Variants in PARD3B observed in about 807,000 individuals in gnomAD.
PARD3B encodes par-3 family cell polarity regulator beta.
In PARD3B, 103 loss-of-function variants were observed where a neutral mutation model predicts 130.2. The ratio of observed to expected loss-of-function variants is 0.79; its 90% CI spans 0.67 to 0.93. The LOEUF is 0.93. Among genes scored for constraint, PARD3B ranks in the 40% least tolerant of loss-of-function variants. PARD3B has a pLI of 0.00. For missense variants in PARD3B, 1,609 were observed against 1,499.2 expected (o/e 1.07, Z -1.21); for synonymous variants, 583 against 553.2 (o/e 1.05, Z -0.76).
At chr2:205,093,816 T>C (rs1185346404) in intron 4 of PARD3B, among the ~76,000 whole-genome samples, 3 of 152,186 alleles carry the variant, frequency 2.0e-5, no homozygotes, top group African/African-American at 4.8e-5. Flanking sequence ...GTGGTTTCCT[T>C]GTGTGATCAG....
chr2:205,245,212 C>A (rs2039518805), intron 15 of PARD3B, among the ~76,000 whole-genome samples: 2 of 152,164 alleles, frequency 1.3e-5, no homozygotes. Flanking sequence ...TTGTAAAGTT[C>A]ACGTCATTTG....
intron 1 of PARD3B, among the ~76,000 whole-genome samples, chr2:204,571,473 G>T (rs2032002121): frequency 6.6e-6 from 1 of 152,170 alleles, no homozygotes; most frequent in Non-Finnish European, 1.5e-5. Flanking sequence ...TAACTCATTT[G>T]TAATTAACTG....
intron 16 of PARD3B, among the ~76,000 whole-genome samples, chr2:205,279,645 A>G (rs1296671245): frequency 6.6e-6 from 1 of 151,902 alleles, no homozygotes; most frequent in African/African-American, 2.4e-5. Context: ...CTCCCCTAAA[A>G]CTCTGCAAAG....
intron 2 of PARD3B, among the ~76,000 whole-genome samples, chr2:204,744,528 TG>T (rs1409863052): frequency 6.6e-6 from 1 of 152,104 alleles, no homozygotes; most frequent in African/African-American, 2.4e-5. Context: ...AGGATGCAGC[TG>T]AATGTATGTT....
At chr2:204,709,216 C>A (rs906709515) in intron 2 of PARD3B, among the ~76,000 whole-genome samples, 2 of 152,058 alleles carry the variant, frequency 1.3e-5, no homozygotes, top group African/African-American at 4.8e-5. Flanking sequence ...ATACAAAGTT[C>A]TGATAGAAGA....
At chr2:205,594,288 T>C (rs1260023646) in intron 22 of PARD3B, among the ~76,000 whole-genome samples, 2 of 152,204 alleles carry the variant, frequency 1.3e-5, no homozygotes, top group Non-Finnish European at 2.9e-5. Context: ...CAGCAGTCGC[T>C]TGCCTGGAGT....
In PARD3B at chr2:205,563,510, T is replaced by A. The variant is rs1005294633; in HGVS notation, c.3260+10107T>A. Among the ~76,000 whole-genome samples, 19 of 152,166 alleles carry A rather than the reference T, an allele frequency of 1.2e-4. No homozygotes were observed. Among genetic ancestry groups the A allele is most frequent in the African/African-American group, 4.1e-4 (17 of 41,426 alleles). On this transcript the variant is annotated intron_variant, in intron 22 of 22. Coordinates refer to ENST00000406610, the MANE Select transcript of PARD3B (RefSeq NM_001302769.2). This position sits in a 1 kb window ranked among gnomAD's most constrained non-coding sequence, Gnocchi z 4.2. ...TTGGCAAGTCAAGGAGAGGTTGGAA[T>A]GCTTACATCATCTGTTTTCATAAGT...
intron 3 of PARD3B, among the ~76,000 whole-genome samples, chr2:205,042,116 G>A (rs1698433582): frequency 6.6e-6 from 1 of 152,008 alleles, no homozygotes; most frequent in Admixed American, 6.6e-5. Flanking sequence ...TTAACTAATG[G>A]CTGCCACTTT....
chr2:205,419,687 ACACTC>A (rs764742774), intron 19 of PARD3B, among the ~76,000 whole-genome samples: 5 of 152,204 alleles, frequency 3.3e-5, no homozygotes, highest in Non-Finnish European at 5.9e-5. Context: ...TCTCTTCTGA[ACACTC>A]CACTAGCCAG....
chr2:205,569,870 C>T (rs2053498938), intron 22 of PARD3B, among the ~76,000 whole-genome samples: 1 of 152,094 alleles, frequency 6.6e-6, no homozygotes, highest in Non-Finnish European at 1.5e-5. Context: ...TGATGCTCTG[C>T]CAGCTGCTGG....
At position 205,618,300 on chromosome 2, in the gene PARD3B, A is replaced by T. The variant is rs1231959610; in HGVS notation, c.*2487A>T. 6.6e-6 allele frequency: 1 copy of T among 152,284 alleles called. No homozygotes were observed. Among genetic ancestry groups the T allele is most frequent in the Non-Finnish European group, 1.5e-5 (1 of 68,068 alleles). The allele number at this position is 152,284 out of a possible 1,614,324, so 9.4% of individuals were successfully genotyped here. ...TGACAGACAGAGGCTCCATCAAGCC[A>T]AGCAACAATTAACAGCTCAAGTGTA... On this transcript the variant is annotated 3_prime_UTR_variant, in exon 23 of 23. Transcript: ENST00000406610.
chr2:205,261,098 C>G (rs1371634815), intron 16 of PARD3B, among the ~76,000 whole-genome samples: 2 of 152,014 alleles, frequency 1.3e-5, no homozygotes, highest in Non-Finnish European at 2.9e-5. Flanking sequence ...CTTTAATTTC[C>G]TATGAACAAA....
At chr2:205,502,579 G>A (rs2050196492) in intron 21 of PARD3B, among the ~76,000 whole-genome samples, 1 of 152,114 alleles carries the variant, frequency 6.6e-6, no homozygotes, top group Admixed American at 6.6e-5. Flanking sequence ...CAAGTCCAGA[G>A]TCTCTGGTTG....
chr2:205,276,661 C>T lies in PARD3B; in HGVS notation c.2186-23869C>T, dbSNP rs1007885798. Among the ~76,000 whole-genome samples the T allele has an allele frequency of 7.9e-5, 12 of 152,100 alleles. No individual in the cohort carries two copies. The highest frequency in any genetic ancestry group is 1.5e-4 in the Non-Finnish European group (10 of 68,032). Reference sequence around the variant, plus strand: ...AAGTGGCTTGCAGCGCTTTATCAGCCGACATTTACACAGAAACTCCTGCCT... The same window carrying T: ...AAGTGGCTTGCAGCGCTTTATCAGCTGACATTTACACAGAAACTCCTGCCT... On this transcript the variant is annotated intron_variant, in intron 16 of 22. Coordinates refer to ENST00000406610, the MANE Select transcript of PARD3B (RefSeq NM_001302769.2). This position sits in a 1 kb window ranked among gnomAD's most constrained non-coding sequence, Gnocchi z 5.0.
rs371912982 is a variant in PARD3B, at chr2:204,871,121, C to G, written c.223-94031C>G. ...ATGACTTTAGATGTTCTTCCTGGCTCTCTTTAATTTTAGGCCCAAAGTTAT... is the reference window on the plus strand; with the variant it reads ...ATGACTTTAGATGTTCTTCCTGGCTGTCTTTAATTTTAGGCCCAAAGTTAT... On this transcript the variant is annotated intron_variant, in intron 2 of 22. Transcript: ENST00000406610. Among the ~76,000 whole-genome samples, 40 of 152,216 alleles carry G rather than the reference C, an allele frequency of 2.6e-4. 1 individual carries two copies. The highest frequency in any genetic ancestry group is 8.9e-4 in the African/African-American group (37 of 41,550).
At chr2:205,036,927 A>AAACATATAGTGGACTGTATATATAAAG (rs1697975551) in intron 3 of PARD3B, among the ~76,000 whole-genome samples, 2 of 151,326 alleles carry the variant, frequency 1.3e-5, no homozygotes, top group African/African-American at 4.8e-5. Context: ...TATATATAAA[A>AAACATATAGTGGACTGTATATATAAAG]AACATATAGT....
chr2:204,838,057 T>C (rs2044117269), intron 2 of PARD3B, among the ~76,000 whole-genome samples: 1 of 138,560 alleles, frequency 7.2e-6, no homozygotes, highest in South Asian at 2.1e-4. Context: ...ACAGGTAAAA[T>C]AAGTGCTGTA....
Position 205,281,636 on chromosome 2 carries a change from C to G in PARD3B, c.2186-18894C>G, listed in dbSNP as rs2041194313. 6.6e-6 allele frequency among the ~76,000 whole-genome samples: 1 copy of G among 152,150 alleles called. No homozygotes were observed. The highest frequency in any genetic ancestry group is 2.1e-4 in the South Asian group (1 of 4,832). On this transcript the variant is annotated intron_variant, in intron 16 of 22. Coordinates refer to ENST00000406610, the MANE Select transcript of PARD3B (RefSeq NM_001302769.2). The surrounding 1 kb of genome is among the most constrained non-coding windows in gnomAD (Gnocchi z 4.2). ...TTGTACAAAATATAGTAAAAACTTTCCAGAATGTCAGTACTTTACTTTTCT... is the reference window on the plus strand; with the variant it reads ...TTGTACAAAATATAGTAAAAACTTTGCAGAATGTCAGTACTTTACTTTTCT...
Position 204,996,734 on chromosome 2 carries a change from T to C in PARD3B, c.394+31411T>C, listed in dbSNP as rs566372981. 6.2e-4 allele frequency among the ~76,000 whole-genome samples: 93 copies of C among 149,186 alleles called. No individual in the cohort carries two copies. The East Asian group carries it at 6.4e-3, about 10-fold the overall frequency. On this transcript the variant is annotated intron_variant, in intron 3 of 22. Transcript: ENST00000406610. ...ACTGCTGTGCTAGCAATCAGCGAGA[T>C]TCCGTGGGCGTAGGACCCTCCGAGC...
Sources: gnomAD v4.1 joint callset for allele counts (sites outside exome capture counted in the v4.1 genomes callset) on GRCh38, gnomAD v4.1.1 for gene constraint, Gnocchi (gnomAD v3.1) non-coding constraint, MANE v1.5 for transcripts, NCBI Gene and HGNC (gene_info 2026-07-23, HGNC 2026-07-21) for gene names.